UBA6: variants seen among roughly 807,000 people sequenced by gnomAD.
UBA6 encodes the protein ubiquitin-like modifier-activating enzyme 6.
UBA6 carries 87 observed loss-of-function variants against 148.3 expected under a neutral mutation model. That is an observed-to-expected ratio of 0.59 (90% CI 0.49 to 0.70). UBA6 has a LOEUF of 0.70. Among genes scored for constraint, UBA6 ranks in the 30% least tolerant of loss-of-function variants. UBA6 has a pLI of 0.00. For missense variants in UBA6, 1,186 were observed against 1,241.2 expected, an observed-to-expected ratio of 0.96 and a Z score of 0.67; for synonymous variants, 376 against 401.0, an observed-to-expected ratio of 0.94 and a Z score of 0.75.
intron 14 of UBA6, among the ~76,000 whole-genome samples, chr4:67,648,065 G>A (rs1042585689): frequency 2.0e-5 from 3 of 151,568 alleles, no homozygotes; most frequent in South Asian, 2.1e-4. Flanking sequence ...GAGCCACTGC[G>A]CCTGCCTTAA....
At chr4:67,677,016 T>G (rs1577832558) in intron 6 of UBA6, among the ~76,000 whole-genome samples, 1 of 152,200 alleles carries the variant, frequency 6.6e-6, no homozygotes, top group African/African-American at 2.4e-5. Flanking sequence ...TACTGATCCA[T>G]GTATTTTTAC....
At chr4:67,683,107 C>T (rs1007054255) in intron 2 of UBA6, among the ~76,000 whole-genome samples, 1 of 152,006 alleles carries the variant, frequency 6.6e-6, no homozygotes, top group Non-Finnish European at 1.5e-5. Context: ...TATAATAAAA[C>T]CTAAACTTTT....
chr4:67,681,562 C>A lies in UBA6; in HGVS notation c.258+1G>T. The stretch of plus-strand genomic sequence containing the variant: ...TTTTCTTACAGAGGACATTTACTTA[C>A]CTTAATCCCTGCAAGAACAAGATTC... On this transcript the variant is annotated splice_donor_variant, in intron 4 of 32. Coordinates refer to ENST00000322244, the MANE Select transcript of UBA6 (RefSeq NM_018227.6). LOFTEE classifies it high-confidence loss of function. 1 of 1,574,982 alleles carries A rather than the reference C, an allele frequency of 6.3e-7. No homozygotes were observed. Among genetic ancestry groups the A allele is most frequent in the Non-Finnish European group, 8.6e-7 (1 of 1,166,580 alleles).
intron 5 of UBA6, 131 bp downstream of exon 5, chr4:67,678,308 A>G: frequency 2.2e-6 from 1 of 445,766 alleles, no homozygotes; most frequent in East Asian, 3.7e-5. Flanking sequence ...ATACATAAAA[A>G]TATCTTTACC....
At chr4:67,661,258 G>A (rs1729848696) in intron 13 of UBA6, among the ~76,000 whole-genome samples, 1 of 152,090 alleles carries the variant, frequency 6.6e-6, no homozygotes, top group Non-Finnish European at 1.5e-5. Context: ...GGGTACCAGG[G>A]ATGAAATGAT....
intron 13 of UBA6, among the ~76,000 whole-genome samples, chr4:67,653,246 G>A (rs762695703): frequency 7.2e-5 from 11 of 152,068 alleles, no homozygotes; most frequent in Non-Finnish European, 1.3e-4. Context: ...TGACCCCCAT[G>A]TAGACTGACT....
In UBA6 at chr4:67,635,524, A is replaced by G; in HGVS notation, c.1771T>C (p.Ser591Pro). 6.2e-7 allele frequency: 1 copy of G among 1,613,186 alleles called. No individual in the cohort carries two copies. Among genetic ancestry groups the G allele is most frequent in the Non-Finnish European group, 8.5e-7 (1 of 1,179,308 alleles). Reference protein sequence around the residue: ...CLANLRPLLDSGTMGTKGHTE... With the variant: ...CLANLRPLLDPGTMGTKGHTE... ...TGTCCCTTAGTGCCCATTGTTCCAG[A>G]ATCTAAAAGAGGCCTTAGATTTGCT... The change falls in exon 20 of 33, where the codon TCT becomes CCT. Residue 591 changes from serine (S) to proline (P), a missense_variant. Coordinates refer to ENST00000322244, the MANE Select transcript of UBA6 (RefSeq NM_018227.6).
At chr4:67,683,452 T>G (rs1469513848) in intron 2 of UBA6, among the ~76,000 whole-genome samples, 1 of 152,220 alleles carries the variant, frequency 6.6e-6, no homozygotes, top group Non-Finnish European at 1.5e-5. Context: ...TAAGAGTTGT[T>G]TCTCTGATAC....
chr4:67,653,967 CAAG>C (rs1729619984), intron 13 of UBA6, among the ~76,000 whole-genome samples: 1 of 151,996 alleles, frequency 6.6e-6, no homozygotes, highest in African/African-American at 2.4e-5. Context: ...TAAAATATAG[CAAG>C]AAGACAAGAT....
At position 67,617,961 on chromosome 4, in the gene UBA6, C is replaced by T. The variant is rs563756449; in HGVS notation, c.*1036G>A. 1 of 149,620 alleles carries T rather than the reference C, an allele frequency of 6.7e-6. No individual in the cohort carries two copies. Among genetic ancestry groups the T allele is most frequent in the South Asian group, 2.1e-4 (1 of 4,764 alleles). 9.3% of individuals were successfully genotyped at this position (149,620 alleles called of 1,614,324 possible). ...AAAACAAAGTTTCTCTCAATAAAGA[C>T]CTTAAAAAATAAATTTTTATCTTCA... On this transcript the variant is annotated 3_prime_UTR_variant, in exon 33 of 33. Coordinates refer to ENST00000322244, the MANE Select transcript of UBA6 (RefSeq NM_018227.6).
At position 67,682,147 on chromosome 4, in the gene UBA6, A is replaced by T; in HGVS notation, c.201T>A (p.Ser67Arg). The change falls in exon 3 of 33, where the codon AGT (serine) becomes AGA (arginine). Residue 67 changes from serine to arginine, a missense_variant. Transcript: ENST00000322244. ...TTTCCAAACCAAGACCACCCATCCC[A>T]CTTAAGAAAACATGGGACTTGGCCA... is the stretch of plus-strand genomic sequence containing the variant. ...QKMAKSHVFL[S>R]GMGGLGLEIA... 1.2e-6 allele frequency: 2 copies of T among 1,613,874 alleles called. No homozygotes were observed.
rs571909669 is a variant in UBA6 at position 67,694,397 on chromosome 4, T to C, written c.134+2248A>G. On this transcript the variant is annotated intron_variant, in intron 2 of 32. Transcript: ENST00000322244. The stretch of plus-strand genomic sequence containing the variant: ...GGCATTTTGGTCTTTGTATTTCTTT[T>C]TTTTTTTTTCTTGACATGGAGTTTT... Among the ~76,000 whole-genome samples, 15 of 150,430 alleles carry C rather than the reference T, an allele frequency of 1.0e-4. No individual in the cohort carries two copies. The South Asian group carries it at 2.9e-3, about 29-fold the overall frequency.
At chr4:67,638,046 C>T (rs1489096110) in intron 19 of UBA6, 1 of 151,808 alleles carries the variant, frequency 6.6e-6, no homozygotes, top group African/African-American at 2.4e-5. Flanking sequence ...GATTAGAGAT[C>T]AGGAATGTTA....
intron 30 of UBA6, 108 bp from the exon 31 acceptor site, chr4:67,623,330 G>T: frequency 1.4e-6 from 1 of 713,510 alleles, no homozygotes; most frequent in Non-Finnish European, 2.4e-6. Flanking sequence ...TTGTGATCAG[G>T]CTAGAAATTA....
At chr4:67,634,641 AT>A in intron 20 of UBA6, 123 bp from the exon 21 acceptor site, 2 of 598,968 alleles carry the variant, frequency 3.3e-6, no homozygotes, top group Non-Finnish European at 2.7e-6. Flanking sequence ...CCAACCAGAC[AT>A]TTTTATATCT....
intron 13 of UBA6, among the ~76,000 whole-genome samples, chr4:67,658,564 G>C (rs961225942): frequency 6.6e-6 from 1 of 152,084 alleles, no homozygotes; most frequent in Non-Finnish European, 1.5e-5. Context: ...TGGGAAGAGG[G>C]GGCGGAAATG....
chr4:67,661,420 C>A (rs1368040391), intron 13 of UBA6, among the ~76,000 whole-genome samples: 1 of 152,114 alleles, frequency 6.6e-6, no homozygotes, highest in Non-Finnish European at 1.5e-5. Context: ...CCTGGCAGTT[C>A]CCCTGCTTGT....
intron 2 of UBA6, among the ~76,000 whole-genome samples, chr4:67,686,511 G>A (rs1730563123): frequency 2.0e-5 from 3 of 152,094 alleles, no homozygotes; most frequent in Admixed American, 2.0e-4. Context: ...TGGCTGCTAC[G>A]AGGATTACAT....
At chr4:67,663,271 CA>C in intron 11 of UBA6, 56 bp from the exon 12 acceptor site, 3 of 1,152,232 alleles carry the variant, frequency 2.6e-6, no homozygotes, top group Non-Finnish European at 3.8e-6. Flanking sequence ...ATGTCCCAGG[CA>C]CTGGGCTAAA....
Sources: allele counts gnomAD v4.1 joint callset (sites outside exome capture counted in the v4.1 genomes callset), GRCh38; gene constraint gnomAD v4.1.1; transcripts MANE v1.5; gene names NCBI Gene and HGNC (gene_info 2026-07-23, HGNC 2026-07-21).